The following NPTN variants were observed in gnomAD, a reference collection of about 807,000 sequenced individuals.
NPTN encodes the protein SDR-1.
A neutral mutation model predicts 42.7 loss-of-function variants in NPTN; 5 were observed. The ratio of observed to expected loss-of-function variants is 0.12; its 90% CI spans 0.06 to 0.25. The LOEUF is 0.25. NPTN is among the 10% of genes least tolerant of loss of function. The pLI is 1.00. For missense variants in NPTN, 307 were observed against 525.4 expected, an observed-to-expected ratio of 0.58 and a Z score of 4.06; for synonymous variants, 180 against 201.9, an observed-to-expected ratio of 0.89 and a Z score of 0.92.
intron 1 of NPTN, among the ~76,000 whole-genome samples, chr15:73,622,797 G>A (rs1022427765): frequency 6.6e-6 from 1 of 152,148 alleles, no homozygotes; most frequent in Non-Finnish European, 1.5e-5. Context: ...CTAACTGGAA[G>A]GCCAAAATAG....
intron 2 of NPTN, among the ~76,000 whole-genome samples, chr15:73,596,026 T>TC (rs957760394): frequency 6.6e-6 from 1 of 152,196 alleles, no homozygotes; most frequent in Non-Finnish European, 1.5e-5. Flanking sequence ...GTGTGAGTGG[T>TC]CCCCACACTA....
At chr15:73,566,742 T>C (rs1028732927) in intron 6 of NPTN, among the ~76,000 whole-genome samples, 1 of 152,242 alleles carries the variant, frequency 6.6e-6, no homozygotes, top group African/African-American at 2.4e-5. Context: ...TTTAGAGAAC[T>C]ATCATTTAAC....
At chr15:73,606,821 A>G (rs1190846892) in intron 1 of NPTN, among the ~76,000 whole-genome samples, 1 of 152,244 alleles carries the variant, frequency 6.6e-6, no homozygotes, top group Non-Finnish European at 1.5e-5. Flanking sequence ...TTGCTTGACC[A>G]ATATGTAGGC....
At chr15:73,576,997 T>C (rs1016416992) in intron 4 of NPTN, among the ~76,000 whole-genome samples, 2 of 152,142 alleles carry the variant, frequency 1.3e-5, no homozygotes, top group African/African-American at 4.8e-5. Context: ...GTTCTTGAGG[T>C]TTTTTTCTGC....
chr15:73,633,222 T>C lies in NPTN; in HGVS notation c.-7A>G, dbSNP rs773119807. On this transcript the variant is annotated 5_prime_UTR_variant, in exon 1 of 9. Coordinates refer to ENST00000345330, the MANE Select transcript of NPTN (RefSeq NM_012428.4). ...GCAGCGACGAACCCGACATCCTCCC[T>C]AGCAGAAGACCCAACAGCGAATGGG... 3 of 1,516,726 alleles carry C rather than the reference T, an allele frequency of 2.0e-6. No homozygotes were observed. Among genetic ancestry groups the C allele is most frequent in the South Asian group, 2.5e-5 (2 of 80,426 alleles). 94.0% of individuals were successfully genotyped at this position (1,516,726 alleles called of 1,614,324 possible). A position where few individuals can be genotyped will look rare whatever the true frequency, so the allele number is the denominator to read the frequency against.
At chr15:73,632,546 G>A (rs991939381) in intron 1 of NPTN, 29 of 152,312 alleles carry the variant, frequency 1.9e-4, no homozygotes, top group African/African-American at 6.8e-4. Context: ...TCTATCCCTA[G>A]ATCCAAGGTT....
chr15:73,571,147 T>C (rs1895358943), intron 5 of NPTN, among the ~76,000 whole-genome samples: 1 of 152,042 alleles, frequency 6.6e-6, no homozygotes, highest in African/African-American at 2.4e-5. Context: ...TAGCTGAGCA[T>C]AGTGGTGTAC....
intron 4 of NPTN, among the ~76,000 whole-genome samples, chr15:73,585,101 A>G (rs1293852953): frequency 6.6e-6 from 1 of 152,238 alleles, no homozygotes; most frequent in East Asian, 1.9e-4. Flanking sequence ...GAAAAGGCAG[A>G]TGGGAAAGAA....
chr15:73,578,042 A>C (rs748532385), intron 4 of NPTN, among the ~76,000 whole-genome samples: 11 of 152,138 alleles, frequency 7.2e-5, no homozygotes, highest in Non-Finnish European at 1.0e-4. Context: ...AAAGGTCTTG[A>C]GGTAGGATTG....
At chr15:73,615,839 TA>T (rs1211018488) in intron 1 of NPTN, among the ~76,000 whole-genome samples, 14 of 152,140 alleles carry the variant, frequency 9.2e-5, no homozygotes, top group African/African-American at 3.1e-4. Context: ...ACTAAAATGA[TA>T]CGCCCCTAAG....
chr15:73,581,418 A>T (rs1896037941), intron 4 of NPTN, among the ~76,000 whole-genome samples: 1 of 152,212 alleles, frequency 6.6e-6, no homozygotes, highest in Non-Finnish European at 1.5e-5. Context: ...CAACAAAGTA[A>T]CAAAAAGACC....
intron 1 of NPTN, among the ~76,000 whole-genome samples, chr15:73,615,749 T>C (rs969050583): frequency 2.0e-5 from 3 of 152,148 alleles, no homozygotes; most frequent in Non-Finnish European, 4.4e-5. Context: ...GACCGATTTT[T>C]AAAAGCTGAT....
chr15:73,608,864 A>AT (rs1156354740), intron 1 of NPTN, among the ~76,000 whole-genome samples: 1 of 152,262 alleles, frequency 6.6e-6, no homozygotes, highest in Non-Finnish European at 1.5e-5. Context: ...CAGTGATACT[A>AT]TAACTGTAAT....
At chr15:73,586,468 G>A (rs1043176486) in intron 4 of NPTN, among the ~76,000 whole-genome samples, 2 of 152,156 alleles carry the variant, frequency 1.3e-5, no homozygotes, top group African/African-American at 4.8e-5. Context: ...AGGAGGCAGT[G>A]GCCATCCCTA....
chr15:73,596,397 A>C (rs1896837177), intron 2 of NPTN, among the ~76,000 whole-genome samples: 1 of 152,192 alleles, frequency 6.6e-6, no homozygotes, highest in South Asian at 2.1e-4. Flanking sequence ...ACCACACTGC[A>C]CCCATGGCAA....
At chr15:73,591,773 G>A (rs1896596334) in intron 3 of NPTN, 193 bp downstream of exon 3, 1 of 488,498 alleles carries the variant, frequency 2.0e-6, no homozygotes, top group African/African-American at 1.9e-5. Flanking sequence ...TCTCCAATCT[G>A]GCTGCTCATT....
intron 4 of NPTN, among the ~76,000 whole-genome samples, chr15:73,583,149 T>C (rs1896140193): frequency 6.6e-6 from 1 of 152,184 alleles, no homozygotes; most frequent in South Asian, 2.1e-4. Flanking sequence ...ATGAGCTATC[T>C]CATTCTACTT....
At chr15:73,591,151 A>C (rs1896570451) in intron 3 of NPTN, among the ~76,000 whole-genome samples, 2 of 152,228 alleles carry the variant, frequency 1.3e-5, no homozygotes, top group Admixed American at 1.3e-4. Context: ...CATTTGGATC[A>C]ACTAAATAAG....
intron 1 of NPTN, among the ~76,000 whole-genome samples, chr15:73,610,457 G>A (rs1897522897): frequency 6.6e-6 from 1 of 152,162 alleles, no homozygotes; most frequent in South Asian, 2.1e-4. Context: ...AGAACATGCA[G>A]TGTTTAAATT....
Sources: gnomAD v4.1 joint callset for allele counts (sites outside exome capture counted in the v4.1 genomes callset) on GRCh38, gnomAD v4.1.1 for gene constraint, MANE v1.5 for transcripts, NCBI Gene and HGNC (gene_info 2026-07-23, HGNC 2026-07-21) for gene names.